Variants in EVI5L observed in about 807,000 individuals in gnomAD.
EVI5L encodes EVI5-like protein.
Under a neutral mutation model 106.1 loss-of-function variants are expected in EVI5L, and 30 were observed. The observed-to-expected ratio is 0.28, with a 90% confidence interval of 0.21 to 0.38. The LOEUF (loss-of-function observed/expected upper bound fraction) is 0.38, where lower values mean the gene tolerates loss of function less well. Among genes scored for constraint, EVI5L ranks in the 10% least tolerant of loss-of-function variants. The pLI is 1.00. For missense variants in EVI5L, 809 were observed against 1,098.0 expected (o/e 0.74, Z 3.72); for synonymous variants, 489 against 483.3 (o/e 1.01, Z -0.15).
At position 7,835,517 on chromosome 19, in the gene EVI5L, A is replaced by G. The variant is rs1233509896; in HGVS notation, c.-48+5136A>G. On this transcript the variant is annotated intron_variant, in intron 1 of 19. Transcript: ENST00000538904. This position sits in a 1 kb window ranked among gnomAD's most constrained non-coding sequence, Gnocchi z 4.1. ...AGGTAGACTCGGTTTCAAAGAAAAA[A>G]GAATAAAAAGAAAAGAAAGAGGTAG... Among the ~76,000 whole-genome samples the G allele has an allele frequency of 6.6e-6, 1 of 152,198 alleles. No individual in the cohort carries two copies. The highest frequency in any genetic ancestry group is 2.4e-5 in the African/African-American group (1 of 41,442).
chr19:7,849,058 C>A lies in EVI5L; in HGVS notation c.465C>A (p.Arg155=). ...CCTCGCCGTGCGAGAAGCTGATCCG[C>A]AGGGACATCGCCCGCACCTACCCGG... ...KMSSPCEKLI[R]RDIARTYPEH... is the part of the protein sequence containing the mutation. Residue 155 remains arginine, a synonymous_variant, in exon 4 of 20, where the codon CGC becomes CGA. Coordinates refer to ENST00000538904, the MANE Select transcript of EVI5L (RefSeq NM_001159944.3). 3 of 1,613,214 alleles carry A rather than the reference C, an allele frequency of 1.9e-6. No individual in the cohort carries two copies. Among genetic ancestry groups the A allele is most frequent in the Non-Finnish European group, 2.5e-6 (3 of 1,179,758 alleles).
chr19:7,834,962 CAATAAT>C (rs549497847), intron 1 of EVI5L, among the ~76,000 whole-genome samples: 3 of 151,390 alleles, frequency 2.0e-5, no homozygotes, highest in Non-Finnish European at 4.4e-5. Flanking sequence ...TCTCTCTCTG[CAATAAT>C]AATAATAATA....
rs1346591350 is a variant in EVI5L, at chr19:7,862,282, A to C, written c.1800+5A>C. 2 of 1,582,368 alleles carry C rather than the reference A, an allele frequency of 1.3e-6. No homozygotes were observed. The highest frequency in any genetic ancestry group is 1.7e-6 in the Non-Finnish European group (2 of 1,164,306). ...GTGGTGGAACTTGAGACGCAGGTGG[A>C]CTCGGGGGGCCTGCTCGTTGGGGAA... On this transcript the variant is annotated splice_donor_5th_base_variant and intron_variant, in intron 16 of 19. Transcript: ENST00000538904.
intron 1 of EVI5L, among the ~76,000 whole-genome samples, chr19:7,844,080 C>T (rs1283262913): frequency 2.0e-5 from 3 of 151,582 alleles, no homozygotes; most frequent in African/African-American, 7.3e-5. Flanking sequence ...CGGCTGGGCG[C>T]GGTGGCTCAC....
At chr19:7,842,671 C>G (rs1260571619) in intron 1 of EVI5L, among the ~76,000 whole-genome samples, 2 of 151,058 alleles carry the variant, frequency 1.3e-5, no homozygotes, top group Non-Finnish European at 2.9e-5. Flanking sequence ...CAAGTGTGTG[C>G]ATGGATGTGT....
Position 7,851,780 on chromosome 19 carries a change from G to A in EVI5L, c.987+10G>A, listed in dbSNP as rs750905161. On this transcript the variant is annotated intron_variant, in intron 8 of 19. Transcript: ENST00000538904. Reference sequence around the variant, plus strand: ...GGAGGGGATGTCCCAGGTGGGCCGGGAGGGCCAGGGCCGGTGGGGCTGCCC... The same window carrying A: ...GGAGGGGATGTCCCAGGTGGGCCGGAAGGGCCAGGGCCGGTGGGGCTGCCC... 1 of 1,495,326 alleles carries A rather than the reference G, an allele frequency of 6.7e-7. No homozygotes were observed. Among genetic ancestry groups the A allele is most frequent in the South Asian group, 1.4e-5 (1 of 71,300 alleles). The allele number at this position is 1,495,326 out of a possible 1,614,324, so 92.6% of individuals were successfully genotyped here.
At chr19:7,853,063 G>A (rs1332660746) in intron 8 of EVI5L, 23 bp from the exon 9 acceptor site, 1 of 1,613,350 alleles carries the variant, frequency 6.2e-7, no homozygotes, top group Non-Finnish European at 8.5e-7. Flanking sequence ...TTGGTGACCA[G>A]GTGACCGGCT....
intron 2 of EVI5L, among the ~76,000 whole-genome samples, chr19:7,847,279 C>G (rs1438338905): frequency 6.6e-6 from 1 of 150,812 alleles, no homozygotes; most frequent in Non-Finnish European, 1.5e-5. Flanking sequence ...GCAACAAGAG[C>G]AAAACTCCGT....
chr19:7,862,172 C>A lies in EVI5L; in HGVS notation c.1695C>A (p.Val565=). ...GRWKESPRKL[V]VGELQDELMS... ...GGAAGGAGTCCCCACGGAAGCTGGT[C>A]GTGGGCGAGCTGCAGGACGAGCTGA... The change falls in exon 16 of 20, where the codon GTC becomes GTA. Residue 565 remains valine (V), a synonymous_variant. Transcript: ENST00000538904. 1 of 1,576,090 alleles carries A rather than the reference C, an allele frequency of 6.3e-7. No individual in the cohort carries two copies.
At chr19:7,841,149 G>A (rs1394758388) in intron 1 of EVI5L, among the ~76,000 whole-genome samples, 1 of 152,146 alleles carries the variant, frequency 6.6e-6, no homozygotes, top group Admixed American at 6.5e-5. Context: ...GCCTCTGCGG[G>A]GGAAACACAG....
chr19:7,864,600 TC>T lies in EVI5L; in HGVS notation c.*900del, dbSNP rs1176197771. ...CAGCGAGCGGCCTCCCCTCACTTCC[TC>T]CTGGTGGTCCCGTTGTCTCTGCTGA... On this transcript the variant is annotated 3_prime_UTR_variant, in exon 20 of 20. Transcript: ENST00000538904. The surrounding 1 kb of genome is among the most constrained non-coding windows in gnomAD (Gnocchi z 4.5). 1 of 152,018 alleles carries T rather than the reference TC, an allele frequency of 6.6e-6. No homozygotes were observed. Among genetic ancestry groups the T allele is most frequent in the East Asian group, 1.9e-4 (1 of 5,154 alleles). The allele number at this position is 152,018 out of a possible 1,614,324, so 9.4% of individuals were successfully genotyped here.
chr19:7,858,376 GC>G lies in EVI5L; in HGVS notation c.1374+50del. Reference sequence around the variant, plus strand: ...GCTGCTGGGCGGGGCCATGACCCGCGCCCCCGCCCCCGCCCAACGGTTTTCT... The same window carrying G: ...GCTGCTGGGCGGGGCCATGACCCGCGCCCCGCCCCCGCCCAACGGTTTTCT... On this transcript the variant is annotated intron_variant, in intron 13 of 19. Transcript: ENST00000538904. This position sits in a 1 kb window ranked among gnomAD's most constrained non-coding sequence, Gnocchi z 5.7. 2 of 1,495,972 alleles carry G rather than the reference GC, an allele frequency of 1.3e-6. No homozygotes were observed. Among genetic ancestry groups the G allele is most frequent in the Non-Finnish European group, 1.8e-6 (2 of 1,127,218 alleles). 92.7% of individuals were successfully genotyped at this position (1,495,972 alleles called of 1,614,324 possible).
At position 7,853,287 on chromosome 19, in the gene EVI5L, A is replaced by T; in HGVS notation, c.1100A>T (p.Tyr367Phe). The T allele has an allele frequency of 6.2e-7, 1 of 1,613,810 alleles. No individual in the cohort carries two copies. Among genetic ancestry groups the T allele is most frequent in the Non-Finnish European group, 8.5e-7 (1 of 1,179,926 alleles). The change falls in exon 10 of 20, where the codon TAC (tyrosine) becomes TTC (phenylalanine). Residue 367 changes from tyrosine (Y) to phenylalanine (F), a missense_variant. Transcript: ENST00000538904. ...CCGATCTGCAGGCTGGAGAAGGAGT[A>T]CGCAGCCATGAAGAGCAAGGAGATG... The part of the protein sequence containing the change: ...PKKMKRLEKE[Y>F]AAMKSKEMEE...
chr19:7,833,724 C>T (rs965677931), intron 1 of EVI5L, among the ~76,000 whole-genome samples: 3 of 152,202 alleles, frequency 2.0e-5, no homozygotes, highest in Admixed American at 1.3e-4. Context: ...CCCTTGTGTC[C>T]CCAGTGCCAT....
At chr19:7,838,270 A>C (rs1474957438) in intron 1 of EVI5L, among the ~76,000 whole-genome samples, 1 of 151,674 alleles carries the variant, frequency 6.6e-6, no homozygotes, top group Non-Finnish European at 1.5e-5. Flanking sequence ...CACCACGCCC[A>C]GCAAATTTTT....
rs989327288 is a variant in EVI5L, at chr19:7,848,589, C to T, written c.328-332C>T. Among the ~76,000 whole-genome samples, 1 of 151,204 alleles carries T rather than the reference C, an allele frequency of 6.6e-6. No homozygotes were observed. The highest frequency in any genetic ancestry group is 2.4e-5 in the African/African-American group (1 of 41,082). On this transcript the variant is annotated intron_variant, in intron 3 of 19. Transcript: ENST00000538904. The surrounding 1 kb of genome is among the most constrained non-coding windows in gnomAD (Gnocchi z 4.8). ...CTCCGGCGTGGGCAACAGAGTGAGA[C>T]TCCATCTCAAAAAAAAAAAAAGTTT...
chr19:7,839,352 A>C (rs999292936), intron 1 of EVI5L, among the ~76,000 whole-genome samples: 14 of 151,780 alleles, frequency 9.2e-5, no homozygotes, highest in Non-Finnish European at 1.5e-5. Flanking sequence ...CCTTCCAGTC[A>C]GAGGGAACAG....
Position 7,848,831 on chromosome 19 carries a change from A to G in EVI5L, c.328-90A>G. Reference sequence around the variant, plus strand: ...GTTCTGTGCCATGCTTGAGGCCTGGATGAGCCACGCCTGAGGAGCTGGGCT... The same window carrying G: ...GTTCTGTGCCATGCTTGAGGCCTGGGTGAGCCACGCCTGAGGAGCTGGGCT... On this transcript the variant is annotated intron_variant, in intron 3 of 19. Coordinates refer to ENST00000538904, the MANE Select transcript of EVI5L (RefSeq NM_001159944.3). The surrounding 1 kb of genome is among the most constrained non-coding windows in gnomAD (Gnocchi z 4.8). 1 of 1,255,486 alleles carries G rather than the reference A, an allele frequency of 8.0e-7. No homozygotes were observed. Among genetic ancestry groups the G allele is most frequent in the Non-Finnish European group, 1.1e-6 (1 of 893,624 alleles). 77.8% of individuals were successfully genotyped at this position (1,255,486 alleles called of 1,614,324 possible).
At chr19:7,834,448 G>A (rs1470001132) in intron 1 of EVI5L, among the ~76,000 whole-genome samples, 1 of 152,012 alleles carries the variant, frequency 6.6e-6, no homozygotes, top group Non-Finnish European at 1.5e-5. Context: ...TTTTTTTTTA[G>A]GTCAGAAAGG....
Sources: allele counts gnomAD v4.1 joint callset (sites outside exome capture counted in the v4.1 genomes callset), GRCh38; gene constraint gnomAD v4.1.1; non-coding constraint Gnocchi (gnomAD v3.1); transcripts MANE v1.5; gene names NCBI Gene and HGNC (gene_info 2026-07-23, HGNC 2026-07-21).